Variants in CLVS1 observed in about 807,000 individuals in gnomAD.
CLVS1 encodes the protein clavesin 1, also known as clavesin-1.
In CLVS1, 10 loss-of-function variants were observed where a neutral mutation model predicts 33.1. The ratio of observed to expected loss-of-function variants is 0.30; its 90% CI spans 0.19 to 0.51. CLVS1 has a LOEUF of 0.51. Ranked by LOEUF, CLVS1 falls within the 20% of genes least tolerant of loss-of-function variation. The pLI is 0.97. For synonymous variants in CLVS1, 163 were observed against 166.1 expected, an observed-to-expected ratio of 0.98 and a Z score of 0.14; for missense variants, 343 against 433.4, an observed-to-expected ratio of 0.79 and a Z score of 1.85.
At chr8:60,988,234 G>T in the CLVS1 span, among the ~76,000 whole-genome samples, 3 of 152,128 alleles carry the variant, frequency 2.0e-5, no homozygotes, top group Non-Finnish European at 2.9e-5. Flanking sequence ...TAGAGACTGG[G>T]GGGTGCAGAG....
chr8:61,441,183 G>A (rs1425494897), intron 3 of CLVS1, among the ~76,000 whole-genome samples: 1 of 152,178 alleles, frequency 6.6e-6, no homozygotes, highest in Non-Finnish European at 1.5e-5. Context: ...GTCATTGGTA[G>A]GGCATGCATG....
intron 2 of CLVS1, among the ~76,000 whole-genome samples, chr8:61,230,669 A>G (rs927028317): frequency 2.0e-4 from 31 of 152,008 alleles, no homozygotes; most frequent in African/African-American, 7.5e-4. Context: ...CCTGCTCATC[A>G]CTCAAGCTTC....
At chr8:61,203,849 G>A (rs1245254778) in intron 2 of CLVS1, among the ~76,000 whole-genome samples, 3 of 152,172 alleles carry the variant, frequency 2.0e-5, no homozygotes, top group Admixed American at 2.0e-4. Context: ...GGAAAGCAAG[G>A]CACACAGTAG....
the CLVS1 span, among the ~76,000 whole-genome samples, chr8:60,993,977 C>A: frequency 1.3e-5 from 2 of 152,214 alleles, no homozygotes; most frequent in Non-Finnish European, 2.9e-5. Context: ...TCTGTCCTTG[C>A]TCCTAAACTG....
chr8:61,181,097 C>A (rs1007633529), intron 2 of CLVS1, among the ~76,000 whole-genome samples: 4 of 152,166 alleles, frequency 2.6e-5, no homozygotes, highest in Non-Finnish European at 4.4e-5. Flanking sequence ...ATAGTCTCAG[C>A]CCAAATACTC....
the CLVS1 span, among the ~76,000 whole-genome samples, chr8:61,042,993 G>C: frequency 6.6e-6 from 1 of 152,184 alleles, no homozygotes; most frequent in Admixed American, 6.5e-5. Context: ...GTTATGTCCA[G>C]CTTGTTCAAA....
intron 2 of CLVS1, among the ~76,000 whole-genome samples, chr8:61,251,741 T>A (rs1808953622): frequency 6.6e-6 from 1 of 152,230 alleles, no homozygotes; most frequent in Non-Finnish European, 1.5e-5. Flanking sequence ...TTTGTATTTC[T>A]CTGGGATCAG....
rs552662165 is a variant in CLVS1, at chr8:61,211,106, C to A, written c.-152+79246C>A. Among the ~76,000 whole-genome samples the A allele has an allele frequency of 3.3e-5, 5 of 152,202 alleles. No individual in the cohort carries two copies. In the South Asian group the frequency reaches 1.0e-3, roughly 32 times the overall value. ...GTGAAGAGATCCAGGAAGTGAAGAC[C>A]AGAACGTGGCCAATGTACGAATCGT... On this transcript the variant is annotated intron_variant, in intron 2 of 2. Coordinates refer to the CLVS1 transcript ENST00000522621.
At chr8:61,422,819 C>G (rs776793160) in intron 3 of CLVS1, among the ~76,000 whole-genome samples, 1 of 152,108 alleles carries the variant, frequency 6.6e-6, no homozygotes, top group East Asian at 1.9e-4. Context: ...GAAGACTAAC[C>G]GAAAGAGTAA....
intron 2 of CLVS1, among the ~76,000 whole-genome samples, chr8:61,175,882 G>A (rs746295084): frequency 1.3e-5 from 2 of 152,202 alleles, no homozygotes; most frequent in Non-Finnish European, 2.9e-5. Flanking sequence ...TACTGTAGGA[G>A]AGAGTGCCAT....
At chr8:61,148,040 G>A (rs919295648) in intron 2 of CLVS1, among the ~76,000 whole-genome samples, 1 of 152,152 alleles carries the variant, frequency 6.6e-6, no homozygotes, top group African/African-American at 2.4e-5. Flanking sequence ...AGTTTTAAAC[G>A]GGAGTTTTTG....
intron 3 of CLVS1, among the ~76,000 whole-genome samples, chr8:61,434,122 A>G (rs1485204324): frequency 6.6e-6 from 1 of 152,090 alleles, no homozygotes; most frequent in East Asian, 1.9e-4. Flanking sequence ...TCTTCCAGGG[A>G]ATTACAAGTT....
intron 2 of CLVS1, among the ~76,000 whole-genome samples, chr8:61,322,761 C>A (rs1460644207): frequency 1.3e-5 from 2 of 152,138 alleles, no homozygotes; most frequent in Admixed American, 6.6e-5. Context: ...CTCTTCTCAT[C>A]TCAATTAATC....
chr8:61,003,228 G>A, the CLVS1 span, among the ~76,000 whole-genome samples: 2 of 152,172 alleles, frequency 1.3e-5, no homozygotes, highest in African/African-American at 4.8e-5. Flanking sequence ...ACACTGGAAG[G>A]GGTCACTTTC....
At chr8:61,292,643 C>T (rs972925540) in intron 1 of CLVS1, among the ~76,000 whole-genome samples, 1 of 152,184 alleles carries the variant, frequency 6.6e-6, no homozygotes, top group Non-Finnish European at 1.5e-5. Flanking sequence ...GGGGTATCAA[C>T]TGCCAATGAC....
At chr8:61,120,138 G>C (rs1191481610) in intron 1 of CLVS1, among the ~76,000 whole-genome samples, 2 of 146,308 alleles carry the variant, frequency 1.4e-5, no homozygotes, top group African/African-American at 2.5e-5. Context: ...TTCCATCGCT[G>C]ATACCCTTTC....
rs1228132703 is a variant in CLVS1 at position 61,339,970 on chromosome 8, AAGAG to A, written c.456-36633_456-36630del. Among the ~76,000 whole-genome samples the A allele has an allele frequency of 3.3e-5, 5 of 151,710 alleles. No individual in the cohort carries two copies. In the South Asian group the frequency reaches 6.2e-4, roughly 19 times the overall value. ...AGGGGTAAAGGGAGTGAGAGAAAGA[AAGAG>A]AAAGAAAGTGAAAAAGAGAAAATGA... On this transcript the variant is annotated intron_variant, in intron 2 of 5. Coordinates refer to ENST00000325897, the MANE Select transcript of CLVS1 (RefSeq NM_173519.3).
chr8:61,345,250 T>G (rs1812170188), intron 2 of CLVS1, among the ~76,000 whole-genome samples: 1 of 152,212 alleles, frequency 6.6e-6, no homozygotes, highest in Non-Finnish European at 1.5e-5. Context: ...GCTACTCATT[T>G]TCCTTTATTA....
intron 2 of CLVS1, among the ~76,000 whole-genome samples, chr8:61,225,847 T>C (rs1291007351): frequency 6.6e-6 from 1 of 152,230 alleles, no homozygotes; most frequent in Non-Finnish European, 1.5e-5. Flanking sequence ...ACTCAGTTTA[T>C]TGGCAACTCC....
Sources: allele counts gnomAD v4.1 joint callset (sites outside exome capture counted in the v4.1 genomes callset), GRCh38; gene constraint gnomAD v4.1.1; transcripts MANE v1.5; gene names NCBI Gene and HGNC (gene_info 2026-07-23, HGNC 2026-07-21).